The following PDIA5 variants were observed in gnomAD, a reference collection of about 807,000 sequenced individuals.
PDIA5 encodes the protein protein disulfide isomerase family A member 5.
In PDIA5, 58 loss-of-function variants were observed where a neutral mutation model predicts 77.6. The observed-to-expected ratio is 0.75, with a 90% CI of 0.61 to 0.93. The LOEUF is 0.93. Ranked by LOEUF, PDIA5 falls within the 40% of genes least tolerant of loss-of-function variation. The pLI, the probability that PDIA5 is intolerant of heterozygous loss-of-function variation, is 0.00. For synonymous variants in PDIA5, 250 were observed against 252.1 expected, an observed-to-expected ratio of 0.99 and a Z score of 0.08; for missense variants, 630 against 647.7, an observed-to-expected ratio of 0.97 and a Z score of 0.30.
intron 1 of PDIA5, among the ~76,000 whole-genome samples, chr3:123,076,546 A>G (rs1408965717): frequency 6.6e-6 from 1 of 152,186 alleles, no homozygotes; most frequent in East Asian, 1.9e-4. Flanking sequence ...CTGGGTTGAG[A>G]CCTGAAGGGT....
In PDIA5 at chr3:123,124,302, C is replaced by A. The variant is rs1044769409; in HGVS notation, c.732C>A (p.Asn244Lys). The A allele has an allele frequency of 1.9e-6, 3 of 1,613,684 alleles. No homozygotes were observed. The highest frequency in any genetic ancestry group is 2.5e-6 in the Non-Finnish European group (3 of 1,179,682). ...GACGGTTCTTGTTCCAGTATGACAA[C>A]TATGGGTCCACAGCTGAGGACATTG... Reference protein sequence around the residue: ...EKGRFLFQYDNYGSTAEDIVE... With the variant: ...EKGRFLFQYDKYGSTAEDIVE... Residue 244 changes from asparagine to lysine, a missense_variant, in exon 10 of 17, where the codon AAC becomes AAA. By Grantham distance (94) the Asn-to-Lys change is moderately conservative. Transcript: ENST00000316218.
At chr3:123,074,777 A>C (rs906386657) in intron 1 of PDIA5, among the ~76,000 whole-genome samples, 11 of 152,232 alleles carry the variant, frequency 7.2e-5, no homozygotes, top group African/African-American at 2.7e-4. Context: ...GGAAAGGCTA[A>C]ATTTCAGTTA....
chr3:123,124,019 G>A, intron 8 of PDIA5, 47 bp from the exon 9 acceptor site: 2 of 1,214,030 alleles, frequency 1.6e-6, no homozygotes, highest in Middle Eastern at 2.0e-4. Context: ...ACTAGAGGGT[G>A]TCTGTGGGGC....
chr3:123,150,079 G>A (rs990541218), intron 13 of PDIA5, among the ~76,000 whole-genome samples, 155 bp from the exon 14 acceptor site: 1 of 152,194 alleles, frequency 6.6e-6, no homozygotes, highest in Admixed American at 6.5e-5. Context: ...ATTTGTTTGT[G>A]TTTAAACTGT....
intron 11 of PDIA5, 55 bp from the exon 12 acceptor site, chr3:123,145,467 G>A (rs112296920): frequency 1.5e-6 from 2 of 1,378,768 alleles, no homozygotes. Flanking sequence ...GCGCAGGGGA[G>A]CATCCCGAGG....
intron 1 of PDIA5, among the ~76,000 whole-genome samples, chr3:123,069,909 G>A (rs745450641): frequency 1.3e-5 from 2 of 152,004 alleles, no homozygotes; most frequent in South Asian, 2.1e-4. Context: ...GGCCAACATG[G>A]TGAAACCCCG....
chr3:123,114,593 C>G (rs1934948564), intron 7 of PDIA5, among the ~76,000 whole-genome samples: 1 of 152,242 alleles, frequency 6.6e-6, no homozygotes, highest in Non-Finnish European at 1.5e-5. Flanking sequence ...TTCCTCTGCG[C>G]CATCTGCAGC....
intron 6 of PDIA5, among the ~76,000 whole-genome samples, chr3:123,108,254 G>C (rs1424234704): frequency 6.6e-6 from 1 of 151,306 alleles, no homozygotes; most frequent in Admixed American, 6.6e-5. Context: ...GGGATACAAA[G>C]AGCCAGTATT....
chr3:123,089,179 AT>A lies in PDIA5; in HGVS notation c.55del (p.Ser19HisfsTer21). 6.2e-7 allele frequency: 1 copy of A among 1,613,814 alleles called. No individual in the cohort carries two copies. Among genetic ancestry groups the A allele is most frequent in the Non-Finnish European group, 8.5e-7 (1 of 1,179,818 alleles). On this transcript the variant is annotated frameshift_variant, in exon 2 of 17. Coordinates refer to ENST00000316218, the MANE Select transcript of PDIA5 (RefSeq NM_006810.4). LOFTEE classifies it high-confidence loss of function. ...LLLAIWVVLP[S>X]WLSSAKVSSL... ...TCCTTGATCCCCAGGTGGTCCTGCC[AT>A]CATGGCTGTCCTCTGCAAAGGTCTC...
chr3:123,145,474 G>A (rs752205143), intron 11 of PDIA5, 48 bp from the exon 12 acceptor site: 12 of 1,478,230 alleles, frequency 8.1e-6, no homozygotes, highest in South Asian at 4.5e-5. Context: ...GGAGCATCCC[G>A]AGGGCCTCTG....
At chr3:123,119,851 G>T (rs545576003) in intron 8 of PDIA5, among the ~76,000 whole-genome samples, 1 of 152,250 alleles carries the variant, frequency 6.6e-6, no homozygotes, top group East Asian at 1.9e-4. Flanking sequence ...CTCTGGCAAG[G>T]GTCAAAAATC....
intron 14 of PDIA5, among the ~76,000 whole-genome samples, chr3:123,151,960 C>T (rs1935917371): frequency 6.8e-6 from 1 of 147,686 alleles, no homozygotes; most frequent in Non-Finnish European, 1.5e-5. Flanking sequence ...TTCCTTCCTG[C>T]CTGCCTTCCT....
rs1936157730 is a variant in PDIA5, at chr3:123,161,439, A to G, written c.1463A>G (p.Tyr488Cys). ...CACTATGGGAAGTTCGCAGAAAAGT[A>G]TGACAGCGACCGCACAGTAAGTGGG... ...YYHYGKFAEK[Y>C]DSDRTELGFT... is the part of the protein sequence containing the mutation. The change falls in exon 16 of 17, where the codon TAT (tyrosine) becomes TGT (cysteine). Residue 488 changes from tyrosine (Y) to cysteine (C), a missense_variant. Transcript: ENST00000316218. 3.1e-6 allele frequency: 5 copies of G among 1,614,058 alleles called. No homozygotes were observed. Among genetic ancestry groups the G allele is most frequent in the Non-Finnish European group, 4.2e-6 (5 of 1,180,000 alleles).
At chr3:123,075,599 G>A (rs554538085) in intron 1 of PDIA5, among the ~76,000 whole-genome samples, 3 of 152,142 alleles carry the variant, frequency 2.0e-5, no homozygotes, top group East Asian at 1.9e-4. Flanking sequence ...TCAGAGGGAT[G>A]AGCAATGGAA....
chr3:123,117,360 C>T (rs1435696937), intron 8 of PDIA5, among the ~76,000 whole-genome samples: 1 of 60,018 alleles, frequency 1.7e-5, no homozygotes, highest in Non-Finnish European at 3.5e-5. Flanking sequence ...TTTCTACTTT[C>T]TGTTTCTATG....
At chr3:123,122,338 TG>T (rs1935138690) in intron 8 of PDIA5, among the ~76,000 whole-genome samples, 1 of 152,190 alleles carries the variant, frequency 6.6e-6, no homozygotes, top group Non-Finnish European at 1.5e-5. Flanking sequence ...TGGAGCAGTC[TG>T]GGAAATGAGC....
chr3:123,145,672 A>AGCAGGGCTTGCAGGGG, intron 12 of PDIA5, 80 bp downstream of exon 12: 1 of 1,246,260 alleles, frequency 8.0e-7, no homozygotes, highest in Non-Finnish European at 1.2e-6. Context: ...TTTCCCCTGC[A>AGCAGGGCTTGCAGGGG]AGCCCTGCTG....
chr3:123,106,762 T>C lies in PDIA5; in HGVS notation c.401T>C (p.Phe134Ser), dbSNP rs763074694. 6.2e-7 allele frequency: 1 copy of C among 1,612,136 alleles called. No individual in the cohort carries two copies. Among genetic ancestry groups the C allele is most frequent in the Non-Finnish European group, 8.5e-7 (1 of 1,178,718 alleles). Reference sequence around the variant, plus strand: ...TTTTTCCCTCAGTCCATAGTGGCCTTTTTGAAGGATCCAAAAGGGCCCCCA... The same window carrying C: ...TTTTTCCCTCAGTCCATAGTGGCCTCTTTGAAGGATCCAAAAGGGCCCCCA... ...RAVTFKSIVA[F>S]LKDPKGPPLW... Residue 134 changes from phenylalanine (F) to serine (S), a missense_variant, in exon 6 of 17, where the codon TTT becomes TCT. Transcript: ENST00000316218.
At chr3:123,138,589 T>C (rs1935550223) in intron 11 of PDIA5, among the ~76,000 whole-genome samples, 1 of 152,152 alleles carries the variant, frequency 6.6e-6, no homozygotes, top group South Asian at 2.1e-4. Flanking sequence ...TGTGCTAACA[T>C]AAAGGAAAAA....
Sources: gnomAD v4.1 joint callset for allele counts (sites outside exome capture counted in the v4.1 genomes callset) on GRCh38, gnomAD v4.1.1 for gene constraint, MANE v1.5 for transcripts, NCBI Gene and HGNC (gene_info 2026-07-23, HGNC 2026-07-21) for gene names.